SLC2A9: variants seen among roughly 807,000 people sequenced by gnomAD.
SLC2A9 encodes solute carrier family 2 member 9, also known as solute carrier family 2, facilitated glucose transporter member 9.
Under a neutral mutation model 50.6 loss-of-function variants are expected in SLC2A9, and 39 were observed. That is an observed-to-expected ratio of 0.77 (90% CI 0.60 to 1.01). SLC2A9 has a LOEUF of 1.01. Ranked by LOEUF, SLC2A9 falls within the 50% of genes least tolerant of loss-of-function variation. SLC2A9 has a pLI of 0.00. For synonymous variants in SLC2A9, 324 were observed against 276.9 expected, an observed-to-expected ratio of 1.17 and a Z score of -1.69; for missense variants, 686 against 677.6, an observed-to-expected ratio of 1.01 and a Z score of -0.14.
intron 3 of SLC2A9, among the ~76,000 whole-genome samples, chr4:9,820,736 T>C (rs1426633192): frequency 6.6e-6 from 1 of 152,260 alleles, no homozygotes; most frequent in South Asian, 2.1e-4. Context: ...TTTTAGTTTT[T>C]AATTGTTCAT....
chr4:9,901,052 C>T (rs13140718), intron 8 of SLC2A9, among the ~76,000 whole-genome samples: 60,522 of 152,110 alleles, frequency 0.4, 14,141 homozygotes, highest in Non-Finnish European at 0.52. Flanking sequence ...AACACTAATG[C>T]TTTTGATCTA....
At chr4:9,880,311 G>C (rs1454854224) in intron 10 of SLC2A9, 1 of 985,538 alleles carries the variant, frequency 1.0e-6, no homozygotes. Flanking sequence ...CCAGGTGCTG[G>C]GTCAACACAG....
intron 8 of SLC2A9, among the ~76,000 whole-genome samples, chr4:9,899,530 T>C (rs1577775773): frequency 6.6e-6 from 1 of 152,214 alleles, no homozygotes; most frequent in African/African-American, 2.4e-5. Context: ...TTAAAATTTA[T>C]GTTCAGAGGA....
intron 3 of SLC2A9, among the ~76,000 whole-genome samples, chr4:9,817,573 C>G (rs1022391123): frequency 1.3e-5 from 2 of 152,212 alleles, no homozygotes; most frequent in African/African-American, 4.8e-5. Context: ...CACATAGTCA[C>G]ATTTGTATGA....
intron 3 of SLC2A9, among the ~76,000 whole-genome samples, chr4:9,815,351 C>T (rs1723432983): frequency 1.3e-5 from 2 of 152,220 alleles, no homozygotes; most frequent in South Asian, 2.1e-4. Flanking sequence ...GCCTTGTGCC[C>T]TTTCCTGTCA....
In SLC2A9 at chr4:9,829,882, C is replaced by T. The variant is rs764796752; in HGVS notation, c.1420-3282G>A. On this transcript the variant is annotated intron_variant, in intron 11 of 11. Coordinates refer to ENST00000264784, the MANE Select transcript of SLC2A9 (RefSeq NM_020041.3). Reference sequence around the variant, plus strand: ...GAAACAACAGATGCTGGCGAGCTTGCGGAGAAAAAGGAATGCTTCTACATT... The same window carrying T: ...GAAACAACAGATGCTGGCGAGCTTGTGGAGAAAAAGGAATGCTTCTACATT... 7.2e-5 allele frequency among the ~76,000 whole-genome samples: 11 copies of T among 152,156 alleles called. No homozygotes were observed. The South Asian group carries it at 1.0e-3, about 14-fold the overall frequency.
intron 3 of SLC2A9, among the ~76,000 whole-genome samples, chr4:9,820,177 G>C (rs574426883): frequency 6.6e-6 from 1 of 152,254 alleles, no homozygotes; most frequent in East Asian, 1.9e-4. Context: ...TAAGGAGTGA[G>C]ATATAGGTTG....
At chr4:10,018,841 G>A in intron 2 of SLC2A9, 134 bp downstream of exon 2, 1 of 807,140 alleles carries the variant, frequency 1.2e-6, no homozygotes, top group Non-Finnish European at 2.0e-6. Flanking sequence ...CCCCGAGTGG[G>A]GGCTAATCTC....
intron 3 of SLC2A9, among the ~76,000 whole-genome samples, chr4:9,799,692 A>ACACC (rs1553813206): frequency 1.4e-5 from 1 of 69,808 alleles, no homozygotes; most frequent in Non-Finnish European, 2.7e-5. Flanking sequence ...TTCCAATTGT[A>ACACC]CCCCCCCCCC....
At chr4:9,942,188 C>A in intron 5 of SLC2A9, 143 bp from the exon 6 acceptor site, 1 of 983,262 alleles carries the variant, frequency 1.0e-6, no homozygotes, top group Non-Finnish European at 1.6e-6. Context: ...AGGGAAGGAA[C>A]TGAGCCAGGC....
upstream of SLC2A9, chr4:10,025,897 G>C: frequency 5.6e-6 from 9 of 1,613,504 alleles, no homozygotes; most frequent in Non-Finnish European, 7.6e-6. Context: ...AAAAAAAAAG[G>C]ACTGACCAAT....
chr4:9,936,253 A>G (rs556752095), intron 6 of SLC2A9, among the ~76,000 whole-genome samples: 7 of 152,302 alleles, frequency 4.6e-5, no homozygotes, highest in African/African-American at 1.7e-4. Flanking sequence ...AGAATTACAA[A>G]GCACTCTGAT....
chr4:9,883,292 C>G (rs144866375), intron 10 of SLC2A9, among the ~76,000 whole-genome samples: 1 of 152,300 alleles, frequency 6.6e-6, no homozygotes, highest in African/African-American at 2.4e-5. Context: ...GATTTGGGGA[C>G]AGATGTGAAT....
intron 2 of SLC2A9, among the ~76,000 whole-genome samples, chr4:10,007,256 T>G (rs1760956475): frequency 6.6e-6 from 1 of 152,190 alleles, no homozygotes; most frequent in South Asian, 2.1e-4. Context: ...ACTTGAGCAT[T>G]AGGTTTGCAG....
chr4:9,828,906 T>C (rs1180936749), intron 11 of SLC2A9, among the ~76,000 whole-genome samples: 1 of 152,152 alleles, frequency 6.6e-6, no homozygotes, highest in Non-Finnish European at 1.5e-5. Context: ...GTCTCTGATA[T>C]ACAGTAGATG....
At chr4:9,927,404 G>C (rs1301137692) in intron 6 of SLC2A9, among the ~76,000 whole-genome samples, 1 of 152,210 alleles carries the variant, frequency 6.6e-6, no homozygotes, top group African/African-American at 2.4e-5. Context: ...CCTCCTGCTA[G>C]AGCAAAGCGC....
intron 10 of SLC2A9, among the ~76,000 whole-genome samples, chr4:9,867,654 C>T (rs1219383115): frequency 6.6e-6 from 1 of 152,178 alleles, no homozygotes; most frequent in African/African-American, 2.4e-5. Context: ...TACAGGGGAG[C>T]CTCACTCAAC....
At chr4:10,020,888 C>A (rs1270105948) in intron 1 of SLC2A9, among the ~76,000 whole-genome samples, 2 of 152,224 alleles carry the variant, frequency 1.3e-5, no homozygotes, top group African/African-American at 4.8e-5. Context: ...GTGTGGCCCG[C>A]CTGTGCCCTC....
intron 6 of SLC2A9, among the ~76,000 whole-genome samples, chr4:9,923,314 A>C (rs1348677653): frequency 6.6e-6 from 1 of 152,238 alleles, no homozygotes; most frequent in Admixed American, 6.5e-5. Flanking sequence ...AGAATGACTC[A>C]GTGAGTTTAG....
Sources: allele counts gnomAD v4.1 joint callset (sites outside exome capture counted in the v4.1 genomes callset), GRCh38; gene constraint gnomAD v4.1.1; transcripts MANE v1.5; gene names NCBI Gene and HGNC (gene_info 2026-07-23, HGNC 2026-07-21).